Variants in SHANK2 observed in about 807,000 individuals in gnomAD.
SHANK2 encodes SH3 and multiple ankyrin repeat domains 2.
In SHANK2, 43 loss-of-function variants were observed where a neutral mutation model predicts 133.7. The ratio of observed to expected loss-of-function variants is 0.32; its 90% confidence interval spans 0.25 to 0.41. SHANK2 has a LOEUF of 0.41. SHANK2 is among the 10% of genes least tolerant of loss of function. The pLI is 1.00. For synonymous variants in SHANK2, 1,017 were observed against 952.8 expected (o/e 1.07, Z -1.24); for missense variants, 1,994 against 2,235.8 (o/e 0.89, Z 2.18).
At chr11:70,757,809 C>T (rs1029020384) in intron 14 of SHANK2, among the ~76,000 whole-genome samples, 1 of 152,096 alleles carries the variant, frequency 6.6e-6, no homozygotes, top group Non-Finnish European at 1.5e-5. Context: ...GGTGGGGTCC[C>T]CCGACACACC....
chr11:70,533,386 G>A lies in SHANK2; in HGVS notation c.2062-30455C>T, dbSNP rs533646565. On this transcript the variant is annotated intron_variant, in intron 17 of 25. Transcript: ENST00000601538. ...ATTACAGGTGTGAGCCACTGTGCCT[G>A]GACTTCTTTTTAAAAAGACAATCGA... Among the ~76,000 whole-genome samples the A allele has an allele frequency of 2.1e-3, 314 of 152,214 alleles. 2 individuals carry two copies. Among genetic ancestry groups the A allele is most frequent in the African/African-American group, 7.3e-3 (303 of 41,546 alleles).
chr11:70,583,324 G>A (rs1554985936), intron 17 of SHANK2, among the ~76,000 whole-genome samples: 1 of 152,182 alleles, frequency 6.6e-6, no homozygotes, highest in African/African-American at 2.4e-5. Context: ...TGGAGGGCAA[G>A]GGTACAGGGC....
chr11:70,674,621 T>G (rs1222867515), intron 15 of SHANK2, among the ~76,000 whole-genome samples: 1 of 152,216 alleles, frequency 6.6e-6, no homozygotes, highest in Non-Finnish European at 1.5e-5. Context: ...AGTGTTGGGA[T>G]TAGAGGCGTG....
chr11:70,473,836 TGAA>T lies in SHANK2; in HGVS notation c.4980-400_4980-398del, dbSNP rs1414219015. ...ACTGAGGCATTTGGAAGGGGTCCCT[TGAA>T]GAGGGCACGGAGACAGGGACAGAGT... is the stretch of plus-strand genomic sequence containing the variant. On this transcript the variant is annotated intron_variant, in intron 25 of 25. Coordinates refer to ENST00000601538, the MANE Select transcript of SHANK2 (RefSeq NM_012309.5). This position sits in a 1 kb window ranked among gnomAD's most constrained non-coding sequence, Gnocchi z 5.9. 4 of 344,098 alleles carry T rather than the reference TGAA, an allele frequency of 1.2e-5. No homozygotes were observed. The highest frequency in any genetic ancestry group is 8.5e-5 in the African/African-American group (4 of 46,928). 21.3% of individuals were successfully genotyped at this position (344,098 alleles called of 1,614,324 possible).
At chr11:71,156,638 T>C (rs1410759593) in intron 2 of SHANK2, among the ~76,000 whole-genome samples, 1 of 152,166 alleles carries the variant, frequency 6.6e-6, no homozygotes, top group Non-Finnish European at 1.5e-5. Context: ...CTAATTCCAT[T>C]ACACATACAC....
At chr11:71,111,699 T>C (rs1951894415) in intron 5 of SHANK2, among the ~76,000 whole-genome samples, 1 of 152,258 alleles carries the variant, frequency 6.6e-6, no homozygotes, top group African/African-American at 2.4e-5. Context: ...CTGCCCATTT[T>C]CTGTATGTTT....
intron 14 of SHANK2, among the ~76,000 whole-genome samples, chr11:70,741,913 C>T (rs1946535243): frequency 1.3e-5 from 2 of 152,198 alleles, no homozygotes; most frequent in Admixed American, 6.5e-5. Context: ...CAGGAAGTAG[C>T]CCCCATGCTG....
chr11:70,818,513 G>C (rs1948450520), intron 12 of SHANK2, among the ~76,000 whole-genome samples: 1 of 152,094 alleles, frequency 6.6e-6, no homozygotes, highest in African/African-American at 2.4e-5. Context: ...ATTTTGTACT[G>C]GGTGAAGGGG....
intron 17 of SHANK2, among the ~76,000 whole-genome samples, chr11:70,601,949 T>C (rs1475671753): frequency 6.6e-6 from 1 of 152,216 alleles, no homozygotes; most frequent in Non-Finnish European, 1.5e-5. Flanking sequence ...TGATACAGTT[T>C]GGATATTTAA....
chr11:70,874,699 T>A (rs1433462134), intron 11 of SHANK2, among the ~76,000 whole-genome samples: 4 of 104,228 alleles, frequency 3.8e-5, no homozygotes, highest in East Asian at 3.1e-4. Context: ...AAAAAAAAAA[T>A]TCCACCTTGT....
At chr11:70,683,741 C>T (rs1945082902) in intron 15 of SHANK2, among the ~76,000 whole-genome samples, 1 of 151,964 alleles carries the variant, frequency 6.6e-6, no homozygotes, top group South Asian at 2.1e-4. Context: ...ATCTCTGCCT[C>T]TGTGGTCATG....
chr11:71,084,114 C>A (rs1951344675), intron 8 of SHANK2, among the ~76,000 whole-genome samples: 1 of 151,978 alleles, frequency 6.6e-6, no homozygotes, highest in Non-Finnish European at 1.5e-5. Flanking sequence ...GGTCTACAGG[C>A]ACCAGCCATC....
chr11:70,831,744 C>T (rs75387216), intron 11 of SHANK2, among the ~76,000 whole-genome samples: 2 of 152,270 alleles, frequency 1.3e-5, no homozygotes, highest in African/African-American at 4.8e-5. Context: ...TATAAACATG[C>T]CAGCAAGACT....
chr11:70,485,368 G>A lies in SHANK2; in HGVS notation c.4925C>T (p.Pro1642Leu), dbSNP rs1555152736. ...CATTGGTGAATCCAGTCCTTCCCCC[G>A]GCTTTGCCAATTTCTCTCGGTTCAT... is the stretch of plus-strand genomic sequence containing the variant. ...QQMNREKLAK[P>L]GEGLDSPMGA... is the part of the protein sequence containing the mutation. Residue 1642 changes from proline to leucine, a missense_variant, in exon 25 of 26, where the codon CCG becomes CTG. Physicochemically the swap from Pro to Leu is moderately conservative, Grantham distance 98. Coordinates refer to ENST00000601538, the MANE Select transcript of SHANK2 (RefSeq NM_012309.5). This position sits in a 1 kb window ranked among gnomAD's most constrained non-coding sequence, Gnocchi z 5.8. 1.1e-5 allele frequency: 17 copies of A among 1,613,930 alleles called. No homozygotes were observed. Among genetic ancestry groups the A allele is most frequent in the East Asian group, 2.2e-5 (1 of 44,880 alleles).
Position 70,671,801 on chromosome 11 carries a change from C to T in SHANK2, c.1854-10123G>A, listed in dbSNP as rs77338111. Among the ~76,000 whole-genome samples the T allele has an allele frequency of 8.5e-3, 1,297 of 152,216 alleles. 23 individuals are homozygous for T. Among genetic ancestry groups the T allele is most frequent in the African/African-American group, 0.03 (1,235 of 41,530 alleles). On this transcript the variant is annotated intron_variant, in intron 15 of 25. Transcript: ENST00000601538. The stretch of plus-strand genomic sequence containing the variant: ...CCCCAAGCAAGGGATGCCAGGATGC[C>T]TCCCTGTGCTTCCAAAGCTGGCACG...
intron 11 of SHANK2, among the ~76,000 whole-genome samples, chr11:70,842,950 A>G (rs1431791282): frequency 6.6e-6 from 1 of 152,114 alleles, no homozygotes; most frequent in Non-Finnish European, 1.5e-5. Flanking sequence ...CCCTCGTGTC[A>G]TCTGACTACC....
chr11:70,620,556 A>G (rs1324999708), intron 17 of SHANK2, among the ~76,000 whole-genome samples: 1 of 150,718 alleles, frequency 6.6e-6, no homozygotes, highest in Non-Finnish European at 1.5e-5. Context: ...TTCCTTCACA[A>G]CTATCTGGGT....
intron 10 of SHANK2, among the ~76,000 whole-genome samples, chr11:70,906,797 C>T (rs1442683645): frequency 6.6e-6 from 1 of 152,150 alleles, no homozygotes; most frequent in Admixed American, 6.5e-5. Flanking sequence ...TGGGCCTGGG[C>T]TCCTGGCTCA....
intron 2 of SHANK2, among the ~76,000 whole-genome samples, chr11:71,199,778 C>T (rs925634223): frequency 3.3e-5 from 5 of 152,136 alleles, no homozygotes; most frequent in African/African-American, 7.2e-5. Flanking sequence ...CTGGAAAGAC[C>T]GAGGACAACC....
Sources: gnomAD v4.1 joint callset for allele counts (sites outside exome capture counted in the v4.1 genomes callset) on GRCh38, gnomAD v4.1.1 for gene constraint, Gnocchi (gnomAD v3.1) non-coding constraint, MANE v1.5 for transcripts, NCBI Gene and HGNC (gene_info 2026-07-23, HGNC 2026-07-21) for gene names.